The following ATAD3C variants were observed in gnomAD, a reference collection of about 807,000 sequenced individuals.
The protein encoded by ATAD3C is ATPase family AAA domain-containing protein 3C.
A neutral mutation model predicts 46.3 loss-of-function variants in ATAD3C; 38 were observed. That is an observed-to-expected ratio of 0.82 (90% CI 0.63 to 1.08). ATAD3C has a LOEUF of 1.08. ATAD3C is among the 50% of genes least tolerant of loss of function. ATAD3C has a pLI of 0.00. For missense variants in ATAD3C, 563 were observed against 572.7 expected (o/e 0.98, Z 0.17); for synonymous variants, 220 against 236.4 (o/e 0.93, Z 0.63).
rs967257003 is a variant in ATAD3C, at chr1:1,452,255, C to T, written c.153-110C>T. ...GCTCCTTGGTGGGGACACTGCCCCC[C>T]TGTCCTGGCAGGACCAGGCTGCTGT... On this transcript the variant is annotated intron_variant, in intron 2 of 11. Coordinates refer to ENST00000378785, the MANE Select transcript of ATAD3C (RefSeq NM_001039211.3). 4.8e-5 allele frequency: 76 copies of T among 1,587,310 alleles called. 1 individual carries two copies. The highest frequency in any genetic ancestry group is 6.2e-5 in the Non-Finnish European group (72 of 1,160,702).
rs1638822990 is a variant in ATAD3C at position 1,449,771 on chromosome 1, T to G, written c.-913T>G. The G allele has an allele frequency of 6.6e-6, 1 of 151,960 alleles. No homozygotes were observed. Among genetic ancestry groups the G allele is most frequent in the African/African-American group, 2.4e-5 (1 of 41,414 alleles). The allele number at this position is 151,960 out of a possible 1,614,324, so 9.4% of individuals were successfully genotyped here. A position where few individuals can be genotyped will look rare whatever the true frequency, so the allele number is the denominator to read the frequency against. On this transcript the variant is annotated 5_prime_UTR_variant, in exon 1 of 12. Transcript: ENST00000378785. The stretch of plus-strand genomic sequence containing the variant: ...CCAGAAGATTTTTATGGTAAAATTT[T>G]GTGATGGGAAAACTCATCCCGGAAA...
In ATAD3C at chr1:1,455,776, T is replaced by C. The variant is rs780281114; in HGVS notation, c.439-15T>C. 35 of 1,612,690 alleles carry C rather than the reference T, an allele frequency of 2.2e-5. No individual in the cohort carries two copies. The highest frequency in any genetic ancestry group is 2.8e-5 in the Non-Finnish European group (33 of 1,179,444). On this transcript the variant is annotated splice_polypyrimidine_tract_variant and intron_variant, in intron 5 of 11. Coordinates refer to ENST00000378785, the MANE Select transcript of ATAD3C (RefSeq NM_001039211.3). The stretch of plus-strand genomic sequence containing the variant: ...GTGCAGACTGTGTCCTCCAAGCCCC[T>C]GTCTTCCTCGGCAGCCCAGCCTGGA...
chr1:1,468,524 A>G lies in ATAD3C; in HGVS notation c.1230A>G (p.Ser410=), dbSNP rs1639182903. 2 of 1,606,094 alleles carry G rather than the reference A, an allele frequency of 1.2e-6. No individual in the cohort carries two copies. Among genetic ancestry groups the G allele is most frequent in the African/African-American group, 1.3e-5 (1 of 74,638 alleles). ...ERPGPEDEQP[S]S ...CTGGGCCCGAGGACGAGCAACCCTC[A>G]TCCTGAGTCCATGGGGAGACCACAC... Residue 410 remains serine, a synonymous_variant, in exon 12 of 12, where the codon TCA becomes TCG. Transcript: ENST00000378785.
chr1:1,466,596 G>A (rs1307810473), intron 11 of ATAD3C, among the ~76,000 whole-genome samples: 2 of 151,154 alleles, frequency 1.3e-5, no homozygotes, highest in African/African-American at 4.9e-5. Flanking sequence ...ACAGTTGAGA[G>A]GGTCATGTGG....
In ATAD3C at chr1:1,464,204, C is replaced by CAA. The variant is rs1271158156; in HGVS notation, c.1089+1512_1089+1513dup. ...CCTGAGCAACAGAGTGAGACTGTCT[C>CAA]AAAAAAAAAAAAAAAAAGAACAGGA... On this transcript the variant is annotated intron_variant, in intron 11 of 11. Transcript: ENST00000378785. Among the ~76,000 whole-genome samples, 137 of 81,790 alleles carry CAA rather than the reference C, an allele frequency of 1.7e-3. 1 individual carries two copies. Among genetic ancestry groups the CAA allele is most frequent in the African/African-American group, 4.7e-3 (112 of 23,864 alleles). 53.7% of individuals were successfully genotyped at this position (81,790 alleles called of 152,430 possible).
Position 1,462,139 on chromosome 1 carries a change from C to G in ATAD3C, c.981-461C>G, listed in dbSNP as rs769750954. ...TGTTCCAAAGAGAGCCTGGTTCTCC[C>G]CTGCCGACCCCTCCACTGCCGCCTG... On this transcript the variant is annotated intron_variant, in intron 10 of 11. Transcript: ENST00000378785. The surrounding 1 kb of genome is among the most constrained non-coding windows in gnomAD (Gnocchi z 4.5). 6.6e-5 allele frequency among the ~76,000 whole-genome samples: 10 copies of G among 152,070 alleles called. No homozygotes were observed. The highest frequency in any genetic ancestry group is 1.5e-4 in the Non-Finnish European group (10 of 67,996).
intron 3 of ATAD3C, among the ~76,000 whole-genome samples, chr1:1,453,613 A>C (rs1201253469): frequency 1.3e-5 from 2 of 150,790 alleles, no homozygotes; most frequent in African/African-American, 4.9e-5. Context: ...CTGGGATTAC[A>C]GGGATGAGCC....
intron 7 of ATAD3C, among the ~76,000 whole-genome samples, chr1:1,456,899 C>T (rs1371152780): frequency 1.3e-5 from 2 of 151,956 alleles, no homozygotes; most frequent in African/African-American, 4.8e-5. Flanking sequence ...GGTGTGGACT[C>T]TAAGCGGCCA....
chr1:1,460,347 C>G (rs377720661), intron 9 of ATAD3C, among the ~76,000 whole-genome samples: 20 of 152,200 alleles, frequency 1.3e-4, no homozygotes, highest in African/African-American at 4.1e-4. Flanking sequence ...TCCCAAAGTG[C>G]TGGGATTATA....
In ATAD3C at chr1:1,455,669, T is replaced by C. The variant is rs976895024; in HGVS notation, c.439-122T>C. The C allele has an allele frequency of 5.5e-5, 85 of 1,557,344 alleles. 1 individual carries two copies. Among genetic ancestry groups the C allele is most frequent in the Non-Finnish European group, 6.3e-5 (72 of 1,147,016 alleles). ...TGGACCGTGCCGGGGATAGATAGGC[T>C]GCCCACGAGCTGGGTGGCTCCCCGG... On this transcript the variant is annotated intron_variant, in intron 5 of 11. Coordinates refer to ENST00000378785, the MANE Select transcript of ATAD3C (RefSeq NM_001039211.3).
rs897402824 is a variant in ATAD3C at position 1,466,339 on chromosome 1, A to T, written c.1090-2045A>T. Among the ~76,000 whole-genome samples, 26 of 150,934 alleles carry T rather than the reference A, an allele frequency of 1.7e-4. 1 individual carries two copies. Among genetic ancestry groups the T allele is most frequent in the African/African-American group, 6.3e-4 (26 of 41,192 alleles). The stretch of plus-strand genomic sequence containing the variant: ...GAGGCGGGTGGGTCATGAGGTCAGG[A>T]GACTGAGACCATCCTGGCCTGGCTA... On this transcript the variant is annotated intron_variant, in intron 11 of 11. Coordinates refer to ENST00000378785, the MANE Select transcript of ATAD3C (RefSeq NM_001039211.3).
At position 1,453,561 on chromosome 1, in the gene ATAD3C, T is replaced by A. The variant is rs2100473968; in HGVS notation, c.223-784T>A. Among the ~76,000 whole-genome samples the A allele has an allele frequency of 2.6e-5, 4 of 152,088 alleles. No homozygotes were observed. The South Asian group carries it at 8.3e-4, about 32-fold the overall frequency. ...CATGTTGGCCAGGCTGGTTGCGAACTCCTGGCCTCAAGTGATCCACCCATC... is the reference window on the plus strand; with the variant it reads ...CATGTTGGCCAGGCTGGTTGCGAACACCTGGCCTCAAGTGATCCACCCATC... On this transcript the variant is annotated intron_variant, in intron 3 of 11. Transcript: ENST00000378785.
chr1:1,457,595 C>CAAAAAAAAAAAAAA (rs777757826), intron 8 of ATAD3C, among the ~76,000 whole-genome samples: 7 of 36,444 alleles, frequency 1.9e-4, no homozygotes, highest in African/African-American at 9.5e-4. Context: ...GACTTCATCT[C>CAAAAAAAAAAAAAA]AAAAAAAAAA....
At chr1:1,461,468 G>A (rs1196593583) in intron 10 of ATAD3C, among the ~76,000 whole-genome samples, 2 of 152,026 alleles carry the variant, frequency 1.3e-5, no homozygotes, top group African/African-American at 4.8e-5. Flanking sequence ...GATTACAGAT[G>A]TGAGCCACTG....
Position 1,450,567 on chromosome 1 carries a change from C to A in ATAD3C, c.-117C>A, listed in dbSNP as rs1207376648. ...GAGGATGGGGAGGCAGGGCTGGGGG[C>A]TTTGAGGTCGAGGCGTGGCCGTGGA... On this transcript the variant is annotated 5_prime_UTR_variant, in exon 1 of 12. Coordinates refer to ENST00000378785, the MANE Select transcript of ATAD3C (RefSeq NM_001039211.3). 4.5e-6 allele frequency: 6 copies of A among 1,332,732 alleles called. No homozygotes were observed. The Admixed American group carries it at 6.1e-5, about 13-fold the overall frequency. The allele number at this position is 1,332,732 out of a possible 1,614,324, so 82.6% of individuals were successfully genotyped here.
intron 9 of ATAD3C, among the ~76,000 whole-genome samples, chr1:1,460,161 C>T (rs1178420810): frequency 6.6e-6 from 1 of 151,666 alleles, no homozygotes; most frequent in Non-Finnish European, 1.5e-5. Flanking sequence ...CAACCTCCAC[C>T]TCCTGGGTTC....
Position 1,459,073 on chromosome 1 carries a change from T to C in ATAD3C, c.742-88T>C. On this transcript the variant is annotated intron_variant, in intron 8 of 11. Coordinates refer to ENST00000378785, the MANE Select transcript of ATAD3C (RefSeq NM_001039211.3). This position sits in a 1 kb window ranked among gnomAD's most constrained non-coding sequence, Gnocchi z 4.9. ...AAAGTGTCGCCATGTCCCTGCTCCC[T>C]GCAGGAGGGAGGCCTGTGGGACTTT... The C allele has an allele frequency of 6.4e-7, 1 of 1,566,730 alleles. No individual in the cohort carries two copies. The highest frequency in any genetic ancestry group is 1.2e-5 in the South Asian group (1 of 85,482).
In ATAD3C at chr1:1,468,536, T is replaced by G. The variant is rs775467765; in HGVS notation, c.*6T>G. 1 of 1,600,670 alleles carries G rather than the reference T, an allele frequency of 6.2e-7. No individual in the cohort carries two copies. Among genetic ancestry groups the G allele is most frequent in the African/African-American group, 1.3e-5 (1 of 74,420 alleles). On this transcript the variant is annotated 3_prime_UTR_variant, in exon 12 of 12. Coordinates refer to ENST00000378785, the MANE Select transcript of ATAD3C (RefSeq NM_001039211.3). ...ACGAGCAACCCTCATCCTGAGTCCA[T>G]GGGGAGACCACACCTCACGGAGCCT...
intron 11 of ATAD3C, among the ~76,000 whole-genome samples, chr1:1,466,583 G>A (rs1388585306): frequency 6.7e-6 from 1 of 149,196 alleles, no homozygotes; most frequent in East Asian, 1.9e-4. Context: ...TGTTTTTCCT[G>A]CAACAGTTGA....
Sources: allele counts gnomAD v4.1 joint callset (sites outside exome capture counted in the v4.1 genomes callset), GRCh38; gene constraint gnomAD v4.1.1; non-coding constraint Gnocchi (gnomAD v3.1); transcripts MANE v1.5; gene names NCBI Gene and HGNC (gene_info 2026-07-23, HGNC 2026-07-21).